SEMA3A: variants seen among roughly 807,000 people sequenced by gnomAD.
The protein encoded by SEMA3A is semaphorin-3A.
SEMA3A carries 29 observed loss-of-function variants against 97.9 expected under a neutral mutation model. The ratio of observed to expected loss-of-function variants is 0.30; its 90% CI spans 0.22 to 0.40. The LOEUF (loss-of-function observed/expected upper bound fraction) is 0.40. Among genes scored for constraint, SEMA3A ranks in the 10% least tolerant of loss-of-function variants. SEMA3A has a pLI of 1.00. For missense variants in SEMA3A, 763 were observed against 951.3 expected (o/e 0.80, Z 2.60); for synonymous variants, 321 against 323.7 (o/e 0.99, Z 0.09).
At chr7:84,167,435 T>C (rs1035925447) in intron 1 of SEMA3A, among the ~76,000 whole-genome samples, 1 of 152,192 alleles carries the variant, frequency 6.6e-6, no homozygotes, top group Admixed American at 6.5e-5. Flanking sequence ...GTATCATAAC[T>C]CTTTTCAGTA....
At chr7:84,321,034 T>A (rs1801630745) in intron 2 of SEMA3A, among the ~76,000 whole-genome samples, 1 of 152,204 alleles carries the variant, frequency 6.6e-6, no homozygotes, top group South Asian at 2.1e-4. Context: ...TCTTTCTTGT[T>A]GACTTTAGGA....
intron 3 of SEMA3A, among the ~76,000 whole-genome samples, chr7:84,205,575 CATA>C (rs1176405577): frequency 6.6e-6 from 1 of 152,008 alleles, no homozygotes; most frequent in African/African-American, 2.4e-5. Flanking sequence ...TTTATTTTTT[CATA>C]ATAATTTCCA....
At chr7:84,010,662 T>C (rs912394238) in intron 9 of SEMA3A, among the ~76,000 whole-genome samples, 2 of 152,228 alleles carry the variant, frequency 1.3e-5, no homozygotes, top group Non-Finnish European at 2.9e-5. Context: ...AATTAATTTT[T>C]CCATCCTTAA....
At chr7:84,086,459 C>T (rs55639143) in intron 4 of SEMA3A, among the ~76,000 whole-genome samples, 6,460 of 75,928 alleles carry the variant, frequency 0.085, 529 homozygotes, top group African/African-American at 0.28. Context: ...TTATTATATT[C>T]ATATATAATA....
intron 1 of SEMA3A, among the ~76,000 whole-genome samples, chr7:84,139,739 G>A (rs1796245482): frequency 6.6e-6 from 1 of 152,040 alleles, no homozygotes; most frequent in African/African-American, 2.4e-5. Flanking sequence ...GTTTCACAAA[G>A]TAGAGGAGTC....
At chr7:83,974,903 TCC>T (rs1789077503) in intron 15 of SEMA3A, among the ~76,000 whole-genome samples, 2 of 151,946 alleles carry the variant, frequency 1.3e-5, no homozygotes, top group African/African-American at 4.8e-5. Flanking sequence ...ACCACAACCC[TCC>T]CCCAAAAGAC....
At chr7:84,285,287 A>T (rs1800550567) in intron 3 of SEMA3A, among the ~76,000 whole-genome samples, 1 of 152,148 alleles carries the variant, frequency 6.6e-6, no homozygotes, top group Admixed American at 6.6e-5. Flanking sequence ...AACAAAAGGC[A>T]AATATAAAGA....
intron 2 of SEMA3A, among the ~76,000 whole-genome samples, chr7:84,353,169 A>G (rs957131046): frequency 6.6e-6 from 1 of 151,806 alleles, no homozygotes; most frequent in African/African-American, 2.4e-5. Context: ...TTGTTTAGAA[A>G]ATAATGACAA....
intron 15 of SEMA3A, among the ~76,000 whole-genome samples, chr7:83,967,474 G>T (rs940025180): frequency 6.6e-6 from 1 of 152,034 alleles, no homozygotes; most frequent in African/African-American, 2.4e-5. Context: ...TGTCAATTTT[G>T]CCGGGCATGG....
chr7:84,459,159 C>T (rs1805760732), intron 1 of SEMA3A, among the ~76,000 whole-genome samples: 1 of 152,060 alleles, frequency 6.6e-6, no homozygotes, highest in Non-Finnish European at 1.5e-5. Context: ...GACTTACTGT[C>T]ATGTTGCAGA....
chr7:84,342,104 T>C (rs1802186350), intron 2 of SEMA3A, among the ~76,000 whole-genome samples: 1 of 152,238 alleles, frequency 6.6e-6, no homozygotes, highest in East Asian at 1.9e-4. Context: ...GGCACGATCT[T>C]GGCTCACCGC....
intron 1 of SEMA3A, among the ~76,000 whole-genome samples, chr7:84,469,306 G>A (rs1806085380): frequency 6.6e-6 from 1 of 152,108 alleles, no homozygotes. Flanking sequence ...TTTAGTCATG[G>A]ACCTTCACCT....
chr7:84,132,681 T>G (rs1199380349), intron 2 of SEMA3A, among the ~76,000 whole-genome samples: 2 of 136,026 alleles, frequency 1.5e-5, no homozygotes, highest in South Asian at 2.5e-4. Context: ...TTTTTTTTTT[T>G]TTTTTTTTTT....
At chr7:84,127,272 C>T (rs545844225) in intron 3 of SEMA3A, among the ~76,000 whole-genome samples, 14 of 152,150 alleles carry the variant, frequency 9.2e-5, no homozygotes, top group Admixed American at 5.2e-4. Context: ...TCCTGCCCCA[C>T]TGCCCTGCCT....
At chr7:84,078,936 T>C (rs1348624243) in intron 4 of SEMA3A, among the ~76,000 whole-genome samples, 3 of 152,070 alleles carry the variant, frequency 2.0e-5, no homozygotes, top group Non-Finnish European at 4.4e-5. Flanking sequence ...GTGACTTCTT[T>C]TGCTATCAGC....
At chr7:84,067,362 G>A (rs1190024942) in intron 4 of SEMA3A, among the ~76,000 whole-genome samples, 5 of 152,070 alleles carry the variant, frequency 3.3e-5, no homozygotes, top group Non-Finnish European at 7.4e-5. Context: ...ATAAGCATGG[G>A]CAAGGACTTC....
intron 2 of SEMA3A, among the ~76,000 whole-genome samples, chr7:84,368,357 T>C (rs1271258773): frequency 1.3e-5 from 2 of 151,166 alleles, no homozygotes; most frequent in Non-Finnish European, 3.0e-5. Flanking sequence ...ATATAAATCA[T>C]TGTCATCTTT....
chr7:84,314,568 A>G (rs1384993917), intron 2 of SEMA3A, among the ~76,000 whole-genome samples: 1 of 152,174 alleles, frequency 6.6e-6, no homozygotes, highest in Non-Finnish European at 1.5e-5. Context: ...GCTGTCCATG[A>G]TAGACATATA....
At position 84,172,154 on chromosome 7, in the gene SEMA3A, A is replaced by T. The variant is rs970768503; in HGVS notation, c.112+22321T>A. Among the ~76,000 whole-genome samples the T allele has an allele frequency of 1.9e-4, 29 of 152,310 alleles. 1 individual carries two copies. Among genetic ancestry groups the T allele is most frequent in the Non-Finnish European group, 8.8e-5 (6 of 68,028 alleles). ...GACCTTCGCTCTCTAAAAGAGCAAA[A>T]TGAAAAGCTCAGTCATTTTCAAGTG... On this transcript the variant is annotated intron_variant, in intron 1 of 16. Transcript: ENST00000265362.
Sources: gnomAD v4.1 joint callset for allele counts (sites outside exome capture counted in the v4.1 genomes callset) on GRCh38, gnomAD v4.1.1 for gene constraint, MANE v1.5 for transcripts, NCBI Gene and HGNC (gene_info 2026-07-23, HGNC 2026-07-21) for gene names.